DAO: variants seen among roughly 807,000 people sequenced by gnomAD.
DAO encodes D-amino-acid oxidase.
Under a neutral mutation model 50.1 loss-of-function variants are expected in DAO, and 51 were observed. The observed-to-expected ratio is 1.02, with a 90% confidence interval of 0.81 to 1.29. The LOEUF (loss-of-function observed/expected upper bound fraction) is 1.29. Among genes scored for constraint, DAO ranks in the 50% most tolerant of loss-of-function variants. DAO has a pLI of 0.00. For synonymous variants in DAO, 160 were observed against 166.2 expected (o/e 0.96, Z 0.29); for missense variants, 436 against 439.4 (o/e 0.99, Z 0.07).
At chr12:108,895,141 C>T (rs749801321) in intron 7 of DAO, among the ~76,000 whole-genome samples, 2 of 152,100 alleles carry the variant, frequency 1.3e-5, no homozygotes, top group Non-Finnish European at 2.9e-5. Context: ...CAAGTTCACA[C>T]GGTAGTACGC....
intron 4 of DAO, among the ~76,000 whole-genome samples, 179 bp downstream of exon 4, chr12:108,889,724 C>T (rs925998216): frequency 6.6e-6 from 1 of 152,132 alleles, no homozygotes. Context: ...TGGCCTTGGG[C>T]TGGGAAGGTA....
At position 108,889,450 on chromosome 12, in the gene DAO, C is replaced by G. The variant is rs1467459214; in HGVS notation, c.310-19C>G. 1 of 1,599,648 alleles carries G rather than the reference C, an allele frequency of 6.3e-7. No homozygotes were observed. Among genetic ancestry groups the G allele is most frequent in the South Asian group, 1.1e-5 (1 of 90,684 alleles). ...TGACTTCCATCCCACCCAGTGCCCC[C>G]TTTGTCCTTCCTCTTCAGGACCCTT... is the stretch of plus-strand genomic sequence containing the variant. On this transcript the variant is annotated intron_variant, in intron 3 of 10. Transcript: ENST00000228476.
chr12:108,890,163 CT>C, intron 4 of DAO, 44 bp from the exon 5 acceptor site: 1 of 1,523,012 alleles, frequency 6.6e-7, no homozygotes, highest in Non-Finnish European at 9.1e-7. Flanking sequence ...AAATATAGCT[CT>C]GATTTTTACC....
At chr12:108,893,629 T>C (rs1374218344) in intron 6 of DAO, among the ~76,000 whole-genome samples, 1 of 152,162 alleles carries the variant, frequency 6.6e-6, no homozygotes, top group African/African-American at 2.4e-5. Context: ...AGATACATGG[T>C]CGACCCAATG....
In DAO at chr12:108,893,690, T is replaced by C. The variant is rs531569807; in HGVS notation, c.508-573T>C. On this transcript the variant is annotated intron_variant, in intron 6 of 10. Coordinates refer to ENST00000228476, the MANE Select transcript of DAO (RefSeq NM_001917.5). ...CAGGAACAATAGTAGCGTCTTGCAATGTGTGTGTCCCTTAACTTACTCGTG... is the reference window on the plus strand; with the variant it reads ...CAGGAACAATAGTAGCGTCTTGCAACGTGTGTGTCCCTTAACTTACTCGTG... 7.4e-4 allele frequency among the ~76,000 whole-genome samples: 112 copies of C among 152,210 alleles called. 1 individual carries two copies. The highest frequency in any genetic ancestry group is 3.7e-3 in the South Asian group (18 of 4,822).
At chr12:108,890,474 C>A (rs574760851) in intron 5 of DAO, among the ~76,000 whole-genome samples, 23 of 152,326 alleles carry the variant, frequency 1.5e-4, no homozygotes, top group African/African-American at 5.1e-4. Flanking sequence ...GCATCAGAAC[C>A]ACCTGGGCAG....
chr12:108,880,851 G>GA (rs2039370010), intron 1 of DAO, among the ~76,000 whole-genome samples: 2 of 152,098 alleles, frequency 1.3e-5, no homozygotes, highest in South Asian at 4.2e-4. Flanking sequence ...AAGACAAGCA[G>GA]AAAGCATCAA....
intron 2 of DAO, among the ~76,000 whole-genome samples, chr12:108,885,842 C>A (rs929519096): frequency 1.3e-5 from 2 of 152,196 alleles, no homozygotes; most frequent in African/African-American, 4.8e-5. Context: ...GCATCCTCTG[C>A]CTCCCAGGTT....
chr12:108,885,466 C>T (rs557674350), intron 2 of DAO, among the ~76,000 whole-genome samples: 17 of 152,084 alleles, frequency 1.1e-4, no homozygotes, highest in Middle Eastern at 3.4e-3. Context: ...AAAAATTAGC[C>T]GGGCATGGTG....
chr12:108,897,098 G>A lies in DAO; in HGVS notation c.695+10G>A, dbSNP rs2039568576. On this transcript the variant is annotated intron_variant, in intron 8 of 10. Coordinates refer to ENST00000228476, the MANE Select transcript of DAO (RefSeq NM_001917.5). ...CGTACATCATCCCAGGGTAAAATTG[G>A]ACTGTTCTCGGGCAGAAGAGTGGTC... 2 of 1,605,080 alleles carry A rather than the reference G, an allele frequency of 1.2e-6. No individual in the cohort carries two copies. Among genetic ancestry groups the A allele is most frequent in the African/African-American group, 1.3e-5 (1 of 74,878 alleles).
chr12:108,895,516 C>G (rs1057161358), intron 7 of DAO, among the ~76,000 whole-genome samples: 4 of 109,094 alleles, frequency 3.7e-5, no homozygotes, highest in Non-Finnish European at 5.2e-5. Context: ...TGATGGTGTG[C>G]GTGCATGCAC....
intron 8 of DAO, 110 bp from the exon 9 acceptor site, chr12:108,898,569 G>T (rs2039587014): frequency 2.5e-6 from 2 of 795,408 alleles, no homozygotes; most frequent in Non-Finnish European, 4.6e-6. Context: ...GGCAATTGAG[G>T]TAGTGATGGT....
rs766920526 is a variant in DAO, at chr12:108,894,248, G to T, written c.508-15G>T. The T allele has an allele frequency of 6.2e-7, 1 of 1,606,976 alleles. No individual in the cohort carries two copies. The highest frequency in any genetic ancestry group is 2.2e-5 in the East Asian group (1 of 44,790). ...CCCACCTTTCATCCCCCACTACCCT[G>T]TTGGTTGCTACCAGGTGGCAAGAGA... is the stretch of plus-strand genomic sequence containing the variant. On this transcript the variant is annotated splice_polypyrimidine_tract_variant and intron_variant, in intron 6 of 10. Coordinates refer to ENST00000228476, the MANE Select transcript of DAO (RefSeq NM_001917.5).
At chr12:108,882,450 C>A (rs917086110) in intron 1 of DAO, among the ~76,000 whole-genome samples, 1 of 152,114 alleles carries the variant, frequency 6.6e-6, no homozygotes, top group African/African-American at 2.4e-5. Context: ...GAGGCAGAGT[C>A]TGCAGTGAGC....
chr12:108,881,474 A>AACACACACAC (rs59694062), intron 1 of DAO, among the ~76,000 whole-genome samples: 2,571 of 138,536 alleles, frequency 0.019, 55 homozygotes, highest in African/African-American at 0.056. Context: ...TGTATTTTAA[A>AACACACACAC]ACACACACAC....
chr12:108,894,879 C>A (rs544206386), intron 7 of DAO, among the ~76,000 whole-genome samples: 2 of 152,034 alleles, frequency 1.3e-5, no homozygotes, highest in Non-Finnish European at 2.9e-5. Context: ...CCATGCTCAG[C>A]CAATTTTTTT....
chr12:108,899,302 C>G, intron 9 of DAO, 75 bp from the exon 10 acceptor site: 1 of 1,022,772 alleles, frequency 9.8e-7, no homozygotes, highest in Non-Finnish European at 1.5e-6. Context: ...ATTCTAAAAG[C>G]TAACTCCCTA....
intron 4 of DAO, 129 bp downstream of exon 4, chr12:108,889,674 C>T: frequency 2.7e-6 from 2 of 736,674 alleles, no homozygotes; most frequent in Non-Finnish European, 2.4e-6. Context: ...GTCTCCTGGT[C>T]CTTGGTCCAG....
intron 10 of DAO, chr12:108,900,186 T>C (rs2039606049): frequency 3.7e-6 from 2 of 539,082 alleles, no homozygotes. Context: ...ACTCCAAGGC[T>C]ATTTCCAGAT....
Sources: gnomAD v4.1 joint callset for allele counts (sites outside exome capture counted in the v4.1 genomes callset) on GRCh38, gnomAD v4.1.1 for gene constraint, MANE v1.5 for transcripts, NCBI Gene and HGNC (gene_info 2026-07-23, HGNC 2026-07-21) for gene names.